Variants in TWIST2 observed in about 807,000 individuals in gnomAD.
TWIST2 encodes the protein twist family bHLH transcription factor 2.
TWIST2 carries 1 observed loss-of-function variant against 11.6 expected under a neutral mutation model. The observed-to-expected ratio is 0.09, with a 90% confidence interval of 0.03 to 0.41. TWIST2 has a LOEUF of 0.41. Ranked by LOEUF, TWIST2 falls within the 10% of genes least tolerant of loss-of-function variation. The pLI, the probability that TWIST2 is intolerant of heterozygous loss-of-function variation, is 0.98. For missense variants in TWIST2, 168 were observed against 226.4 expected, an observed-to-expected ratio of 0.74 and a Z score of 1.66; for synonymous variants, 87 against 96.6, an observed-to-expected ratio of 0.90 and a Z score of 0.58.
chr2:238,872,906 T>C (rs143392050), intron 1 of TWIST2, among the ~76,000 whole-genome samples: 19,092 of 152,144 alleles, frequency 0.13, 1,357 homozygotes, highest in African/African-American at 0.19. Flanking sequence ...ATTTACTGAG[T>C]CCTGGCTGTT....
chr2:238,889,565 C>T (rs1375560080), intron 1 of TWIST2, among the ~76,000 whole-genome samples: 1 of 152,232 alleles, frequency 6.6e-6, no homozygotes, highest in Admixed American at 6.5e-5. Context: ...TCCGTGCTCA[C>T]TTTGCGCATG....
chr2:238,904,905 G>A (rs1044184826), intron 1 of TWIST2, among the ~76,000 whole-genome samples: 7 of 151,878 alleles, frequency 4.6e-5, no homozygotes, highest in African/African-American at 1.7e-4. Context: ...GATGGGTGGA[G>A]GGAATGAAGG....
At position 238,910,030 on chromosome 2, in the gene TWIST2, C is replaced by T. The variant is rs1444537953; in HGVS notation, c.*224C>T. The T allele has an allele frequency of 5.3e-5, 8 of 152,132 alleles. No individual in the cohort carries two copies. Among genetic ancestry groups the T allele is most frequent in the African/African-American group, 1.7e-4 (7 of 41,420 alleles). 9.4% of individuals were successfully genotyped at this position (152,132 alleles called of 1,614,324 possible). On this transcript the variant is annotated 3_prime_UTR_variant, in exon 2 of 2. Coordinates refer to ENST00000612363, the MANE Select transcript of TWIST2 (RefSeq NM_001271893.4). ...CAGGACGGTCCCCACATAGGAAGGG[C>T]ACTCCCAGCCCTCTTGCTGGTGACA...
intron 1 of TWIST2, among the ~76,000 whole-genome samples, chr2:238,849,075 A>T (rs1253908243): frequency 6.7e-6 from 1 of 149,806 alleles, no homozygotes; most frequent in Non-Finnish European, 1.5e-5. Context: ...CGAGCATCAG[A>T]AAAACCTCCT....
At chr2:238,865,475 C>T (rs538212159) in intron 1 of TWIST2, among the ~76,000 whole-genome samples, 1 of 152,298 alleles carries the variant, frequency 6.6e-6, no homozygotes, top group East Asian at 1.9e-4. Flanking sequence ...GGAGCAAGGC[C>T]TGAGGCGCTC....
At chr2:238,895,101 C>T (rs1693192096) in intron 1 of TWIST2, among the ~76,000 whole-genome samples, 1 of 152,230 alleles carries the variant, frequency 6.6e-6, no homozygotes, top group East Asian at 1.9e-4. Context: ...GCTGCTGCTG[C>T]TGTTGCTGCT....
At chr2:238,903,658 G>GTGTGA in intron 1 of TWIST2, among the ~76,000 whole-genome samples, 1 of 66 alleles carries the variant, frequency 0.015, no homozygotes, top group Non-Finnish European at 0.036. Context: ...TGTGAGGTGT[G>GTGTGA]TNNNNNNNNN....
chr2:238,874,230 A>G (rs1212780127), intron 1 of TWIST2, among the ~76,000 whole-genome samples: 2 of 152,172 alleles, frequency 1.3e-5, no homozygotes, highest in African/African-American at 2.4e-5. Context: ...GGGAAACACA[A>G]CTTGGGAACA....
At chr2:238,878,911 C>G (rs1372023858) in intron 1 of TWIST2, among the ~76,000 whole-genome samples, 6 of 152,116 alleles carry the variant, frequency 3.9e-5, no homozygotes, top group Non-Finnish European at 5.9e-5. Flanking sequence ...AATGTTGGAG[C>G]CTGCAGTAAG....
At chr2:238,854,103 C>G (rs1692289609) in intron 1 of TWIST2, among the ~76,000 whole-genome samples, 1 of 152,216 alleles carries the variant, frequency 6.6e-6, no homozygotes, top group African/African-American at 2.4e-5. Context: ...TGCCTTTAAA[C>G]TTGGACACAT....
intron 1 of TWIST2, among the ~76,000 whole-genome samples, chr2:238,874,428 A>G (rs1399286156): frequency 6.6e-6 from 1 of 152,162 alleles, no homozygotes; most frequent in African/African-American, 2.4e-5. Flanking sequence ...TCTTTTGCAA[A>G]AGAATAGAAA....
chr2:238,876,100 T>A (rs1692800104), intron 1 of TWIST2, among the ~76,000 whole-genome samples: 2 of 152,112 alleles, frequency 1.3e-5, no homozygotes, highest in African/African-American at 4.8e-5. Context: ...TCAGAAATCC[T>A]CCCAGTGCAC....
At chr2:238,850,161 G>A (rs1450700966) in intron 1 of TWIST2, among the ~76,000 whole-genome samples, 1 of 152,170 alleles carries the variant, frequency 6.6e-6, no homozygotes, top group Non-Finnish European at 1.5e-5. Context: ...TAGCTGCAGA[G>A]CCTCCTGAGA....
chr2:238,852,224 T>G (rs1692254655), intron 1 of TWIST2, among the ~76,000 whole-genome samples: 1 of 152,204 alleles, frequency 6.6e-6, no homozygotes, highest in Non-Finnish European at 1.5e-5. Flanking sequence ...AATCTGGGCT[T>G]TAAAAAAAAC....
chr2:238,848,337 A>G lies in TWIST2; in HGVS notation c.122A>G (p.Glu41Gly). 2 of 1,534,796 alleles carry G rather than the reference A, an allele frequency of 1.3e-6. No homozygotes were observed. Among genetic ancestry groups the G allele is most frequent in the South Asian group, 1.2e-5 (1 of 84,016 alleles). The change falls in exon 1 of 2, where the codon GAA becomes GGA. Residue 41 changes from glutamate (E) to glycine (G), a missense_variant. Coordinates refer to ENST00000612363, the MANE Select transcript of TWIST2 (RefSeq NM_001271893.4). ...CGGCGCTACAGCAAGAAGTCGAGCG[A>G]AGATGGCAGCCCGACCCCGGGCAAG... ...RKRRYSKKSS[E>G]DGSPTPGKRG...
At chr2:238,905,916 TGCAGGTGTGCGTGTGCGCGTGTGTGTGC>T (rs1693340650) in intron 1 of TWIST2, among the ~76,000 whole-genome samples, 1 of 122,082 alleles carries the variant, frequency 8.2e-6, no homozygotes, top group African/African-American at 3.4e-5. Flanking sequence ...TGTGTGTGCG[TGCAGGTGTGCGTGTGCGCGTGTGTGTGC>T]GCGCGCGTGT....
At chr2:238,850,258 G>A (rs1387407437) in intron 1 of TWIST2, among the ~76,000 whole-genome samples, 1 of 152,190 alleles carries the variant, frequency 6.6e-6, no homozygotes, top group Non-Finnish European at 1.5e-5. Context: ...AAAAACAGAT[G>A]GAAAGTGTCT....
chr2:238,880,714 TTAA>T lies in TWIST2; in HGVS notation c.*36-29126_*36-29124del, dbSNP rs1376833064. On this transcript the variant is annotated intron_variant, in intron 1 of 1. Transcript: ENST00000612363. Reference sequence around the variant, plus strand: ...GTATTTATTAGTGTTAGCATTAGTATTAATGTTAGTATCTATTAGTATTAGTGT... The same window carrying T: ...GTATTTATTAGTGTTAGCATTAGTATTGTTAGTATCTATTAGTATTAGTGT... 7.4e-5 allele frequency among the ~76,000 whole-genome samples: 8 copies of T among 108,098 alleles called. 2 individuals are homozygous for T. Among genetic ancestry groups the T allele is most frequent in the Non-Finnish European group, 1.5e-4 (8 of 54,056 alleles). 70.9% of individuals were successfully genotyped at this position (108,098 alleles called of 152,430 possible).
chr2:238,899,582 C>T (rs1693244942), intron 1 of TWIST2, among the ~76,000 whole-genome samples: 1 of 152,190 alleles, frequency 6.6e-6, no homozygotes, highest in Non-Finnish European at 1.5e-5. Context: ...AGGGAGAGCT[C>T]AGGAAACCAG....
Sources: allele counts gnomAD v4.1 joint callset (sites outside exome capture counted in the v4.1 genomes callset), GRCh38; gene constraint gnomAD v4.1.1; transcripts MANE v1.5; gene names NCBI Gene and HGNC (gene_info 2026-07-23, HGNC 2026-07-21).